The following LRRCC1 variants were observed in gnomAD, a reference collection of about 807,000 sequenced individuals.
LRRCC1 encodes the protein leucine-rich repeat and coiled-coil domain-containing protein 1.
A neutral mutation model predicts 126.0 loss-of-function variants in LRRCC1; 115 were observed. The ratio of observed to expected loss-of-function variants is 0.91; its 90% CI spans 0.78 to 1.07. The LOEUF is 1.07. Ranked by LOEUF, LRRCC1 falls within the 50% of genes least tolerant of loss-of-function variation. The pLI is 0.00. For synonymous variants in LRRCC1, 400 were observed against 393.4 expected, an observed-to-expected ratio of 1.02 and a Z score of -0.20; for missense variants, 1,172 against 1,175.7, an observed-to-expected ratio of 1.00 and a Z score of 0.05.
chr8:85,131,760 G>T lies in LRRCC1; in HGVS notation c.1767G>T (p.Arg589Ser), dbSNP rs1234912421. 2 of 1,609,842 alleles carry T rather than the reference G, an allele frequency of 1.2e-6. No homozygotes were observed. The highest frequency in any genetic ancestry group is 1.7e-5 in the Admixed American group (1 of 59,258). Residue 589 changes from arginine (R) to serine (S), a missense_variant and splice_region_variant, in exon 12 of 19, where the codon AGG (arginine) becomes AGT (serine). Transcript: ENST00000360375. The stretch of plus-strand genomic sequence containing the variant: ...TATCTTTATATGTTTTTCACTCCAG[G>T]AAGGAACTTGAAACAAGGGAGTTTT... The part of the protein sequence containing the change: ...QLLALKEQEH[R>S]KELETREFFT...
At chr8:85,131,291 A>G (rs1810441374) in intron 11 of LRRCC1, among the ~76,000 whole-genome samples, 2 of 152,232 alleles carry the variant, frequency 1.3e-5, no homozygotes, top group Admixed American at 1.3e-4. Flanking sequence ...TATGAGTTTG[A>G]GTAATGCAAG....
chr8:85,114,690 C>A (rs1808969962), intron 4 of LRRCC1, among the ~76,000 whole-genome samples: 1 of 152,038 alleles, frequency 6.6e-6, no homozygotes, highest in Non-Finnish European at 1.5e-5. Flanking sequence ...GAAATTCTGG[C>A]ATTTTGGTCA....
intron 6 of LRRCC1, among the ~76,000 whole-genome samples, chr8:85,116,114 T>G (rs961283716): frequency 5.3e-5 from 8 of 152,302 alleles, no homozygotes; most frequent in African/African-American, 1.9e-4. Flanking sequence ...AATCTCTAGT[T>G]TTTAGAATCT....
In LRRCC1 at chr8:85,116,018, C is replaced by T. The variant is rs569060494; in HGVS notation, c.930+434C>T. 5.5e-4 allele frequency among the ~76,000 whole-genome samples: 83 copies of T among 152,278 alleles called. 2 individuals carry two copies. The South Asian group carries it at 0.017, about 31-fold the overall frequency. On this transcript the variant is annotated intron_variant, in intron 6 of 18. Transcript: ENST00000360375. ...AAATGGCAGGTTAATTTACATAGTT[C>T]CTGTATCAATTTCATTTTCTAGTAG...
chr8:85,134,870 T>C lies in LRRCC1; in HGVS notation c.1992T>C (p.Val664=). 6.4e-7 allele frequency: 1 copy of C among 1,574,690 alleles called. No homozygotes were observed. The highest frequency in any genetic ancestry group is 2.3e-5 in the East Asian group (1 of 43,230). The change falls in exon 13 of 19, where the codon GTT becomes GTC. Residue 664 remains valine, a synonymous_variant. Transcript: ENST00000360375. ...AGGTTAAAGATGGTTTTGAAAATGTTGCAACTGAGTTAGCAAAGAGCAAAC... is the reference window on the plus strand; with the variant it reads ...AGGTTAAAGATGGTTTTGAAAATGTCGCAACTGAGTTAGCAAAGAGCAAAC... The part of the protein sequence containing the change: ...FQDVKDGFEN[V]ATELAKSKHA...
intron 6 of LRRCC1, among the ~76,000 whole-genome samples, chr8:85,117,605 T>C (rs770053229): frequency 6.6e-6 from 1 of 152,146 alleles, no homozygotes; most frequent in Non-Finnish European, 1.5e-5. Flanking sequence ...TAATTAACCC[T>C]GCCGAACTGG....
chr8:85,144,305 C>G (rs955937887), intron 18 of LRRCC1, among the ~76,000 whole-genome samples: 1 of 151,700 alleles, frequency 6.6e-6, no homozygotes, highest in African/African-American at 2.4e-5. Context: ...GGACTGTAGA[C>G]AGATTAACCA....
At chr8:85,137,687 C>A in intron 15 of LRRCC1, 60 bp downstream of exon 15, 1 of 1,187,742 alleles carries the variant, frequency 8.4e-7, no homozygotes, top group Non-Finnish European at 1.1e-6. Flanking sequence ...ATCTTTGGAT[C>A]AAAGTATCCA....
At chr8:85,136,242 T>C (rs1810855494) in intron 14 of LRRCC1, among the ~76,000 whole-genome samples, 1 of 152,176 alleles carries the variant, frequency 6.6e-6, no homozygotes, top group African/African-American at 2.4e-5. Flanking sequence ...TGGGTGCTTT[T>C]ACAAATCAGC....
At chr8:85,107,502 C>G in intron 1 of LRRCC1, 103 bp downstream of exon 1, 1 of 1,010,140 alleles carries the variant, frequency 9.9e-7, no homozygotes, top group South Asian at 1.6e-5. Context: ...ACTGCTTTAC[C>G]AAGACCATAA....
chr8:85,141,684 T>A (rs1040824443), intron 18 of LRRCC1, among the ~76,000 whole-genome samples, 167 bp downstream of exon 18: 3 of 152,230 alleles, frequency 2.0e-5, no homozygotes, highest in African/African-American at 7.2e-5. Flanking sequence ...ACGTTGGTAA[T>A]ACTTAGATTA....
intron 7 of LRRCC1, among the ~76,000 whole-genome samples, chr8:85,124,566 CCTGAACATTT>C (rs1297785151): frequency 1.3e-5 from 2 of 151,950 alleles, no homozygotes; most frequent in Non-Finnish European, 2.9e-5. Context: ...AATGTTGAAC[CCTGAACATTT>C]ATGAAATCAT....
At chr8:85,142,858 GAA>G (rs3069358) in intron 18 of LRRCC1, among the ~76,000 whole-genome samples, 97,026 of 146,398 alleles carry the variant, frequency 0.66, 32,554 homozygotes, top group Non-Finnish European at 0.68. Flanking sequence ...GAAAAGAAAA[GAA>G]AAATTATAAT....
chr8:85,118,160 A>G (rs1309751607), intron 6 of LRRCC1, among the ~76,000 whole-genome samples: 1 of 151,938 alleles, frequency 6.6e-6, no homozygotes, highest in Non-Finnish European at 1.5e-5. Flanking sequence ...GGCTTCTTTC[A>G]CTGAGCATAA....
At chr8:85,125,111 C>T (rs16913600) in intron 8 of LRRCC1, among the ~76,000 whole-genome samples, 172 bp downstream of exon 8, 1 of 151,854 alleles carries the variant, frequency 6.6e-6, no homozygotes, top group African/African-American at 2.4e-5. Flanking sequence ...TATTTTTGAA[C>T]GAATGAAAAT....
chr8:85,130,025 A>G lies in LRRCC1; in HGVS notation c.1733A>G (p.His578Arg). 6.3e-7 allele frequency: 1 copy of G among 1,598,282 alleles called. No homozygotes were observed. Among genetic ancestry groups the G allele is most frequent in the Non-Finnish European group, 8.5e-7 (1 of 1,174,194 alleles). ...GAAAGAGAACAAGCGCAACAACTTC[A>G]TCAACTTCTTGCATTGAAAGAACAG... Reference protein sequence around the residue: ...HREREQAQQLHQLLALKEQEH... With the variant: ...HREREQAQQLRQLLALKEQEH... The change falls in exon 11 of 19, where the codon CAT (histidine) becomes CGT (arginine). Residue 578 changes from histidine (H) to arginine (R), a missense_variant. By Grantham distance (29) the His-to-Arg change is conservative. Coordinates refer to ENST00000360375, the MANE Select transcript of LRRCC1 (RefSeq NM_033402.5).
At chr8:85,135,098 A>G in intron 13 of LRRCC1, 66 bp downstream of exon 13, 1 of 1,213,518 alleles carries the variant, frequency 8.2e-7, no homozygotes, top group Non-Finnish European at 1.1e-6. Flanking sequence ...GGGTTGTGAT[A>G]AATTTAGGAA....
rs770072837 is a variant in LRRCC1, at chr8:85,109,783, T to G, written c.293T>G (p.Leu98Trp). ...KLCTLNLSCN[L>W]ITKVEGLEEL... ...TGCACATTAAATTTGTCCTGCAATT[T>G]GATTACAAAAGTAGAAGGTTTGTAA... Residue 98 changes from leucine (L) to tryptophan (W), a missense_variant, in exon 2 of 19, where the codon TTG becomes TGG. Physicochemically the swap from Leu to Trp is moderately conservative, Grantham distance 61 (BLOSUM62 -2). Coordinates refer to ENST00000360375, the MANE Select transcript of LRRCC1 (RefSeq NM_033402.5). The G allele has an allele frequency of 4.0e-5, 62 of 1,568,736 alleles. No homozygotes were observed. The highest frequency in any genetic ancestry group is 7.8e-6 in the Non-Finnish European group (9 of 1,149,750).
At chr8:85,144,189 A>T (rs1811459790) in intron 18 of LRRCC1, among the ~76,000 whole-genome samples, 1 of 152,096 alleles carries the variant, frequency 6.6e-6, no homozygotes, top group African/African-American at 2.4e-5. Flanking sequence ...TAGGCACTAC[A>T]TTAAAGATAG....
Sources: gnomAD v4.1 joint callset for allele counts (sites outside exome capture counted in the v4.1 genomes callset) on GRCh38, gnomAD v4.1.1 for gene constraint, MANE v1.5 for transcripts, NCBI Gene and HGNC (gene_info 2026-07-23, HGNC 2026-07-21) for gene names.